Variants in CLMN observed in about 807,000 individuals in gnomAD.
CLMN encodes the protein calmin.
In CLMN, 57 loss-of-function variants were observed where a neutral mutation model predicts 92.7. That is an observed-to-expected ratio of 0.61 (90% CI 0.50 to 0.77). The LOEUF is 0.77. Ranked by LOEUF, CLMN falls within the 30% of genes least tolerant of loss-of-function variation. The probability of loss-of-function intolerance (pLI) is 0.00; values close to 1 mark genes in which losing one functional copy is unlikely to be tolerated. For missense variants in CLMN, 1,158 were observed against 1,237.5 expected (o/e 0.94, Z 0.96); for synonymous variants, 466 against 470.6 (o/e 0.99, Z 0.13).
At chr14:95,236,901 G>C (rs1898075219) in intron 1 of CLMN, among the ~76,000 whole-genome samples, 1 of 152,156 alleles carries the variant, frequency 6.6e-6, no homozygotes, top group African/African-American at 2.4e-5. Flanking sequence ...GGGAGGGGCT[G>C]CTGTAGTTAT....
intron 1 of CLMN, among the ~76,000 whole-genome samples, chr14:95,231,069 A>T (rs1296207913): frequency 2.0e-5 from 3 of 152,038 alleles, no homozygotes; most frequent in Non-Finnish European, 4.4e-5. Context: ...CCCAACCCCC[A>T]GGCCATGGAC....
intron 1 of CLMN, among the ~76,000 whole-genome samples, chr14:95,308,517 A>G (rs532219004): frequency 5.9e-5 from 9 of 152,212 alleles, no homozygotes; most frequent in African/African-American, 2.2e-4. Flanking sequence ...CATTAGCTCA[A>G]TGGCTTGGAA....
chr14:95,314,222 T>C (rs8005531), intron 1 of CLMN, among the ~76,000 whole-genome samples: 23,148 of 152,258 alleles, frequency 0.15, 2,100 homozygotes, highest in Non-Finnish European at 0.21. Flanking sequence ...TATACCTCCC[T>C]AGGTACCTTC....
intron 1 of CLMN, among the ~76,000 whole-genome samples, chr14:95,296,608 G>A (rs1370719650): frequency 6.6e-6 from 1 of 152,230 alleles, no homozygotes; most frequent in East Asian, 1.9e-4. Context: ...CATTAACAGA[G>A]AGCTAGCATC....
chr14:95,232,591 T>C (rs1897925762), intron 1 of CLMN, among the ~76,000 whole-genome samples: 1 of 152,220 alleles, frequency 6.6e-6, no homozygotes. Context: ...GGTCACTGGC[T>C]AATAGGCATA....
chr14:95,227,291 A>G (rs1016374714), intron 2 of CLMN, among the ~76,000 whole-genome samples: 1 of 152,160 alleles, frequency 6.6e-6, no homozygotes, highest in Non-Finnish European at 1.5e-5. Flanking sequence ...GTCAAAATAC[A>G]GGGCAATTCC....
At chr14:95,317,476 G>A (rs1000332195) in intron 1 of CLMN, among the ~76,000 whole-genome samples, 3 of 152,002 alleles carry the variant, frequency 2.0e-5, no homozygotes, top group African/African-American at 7.3e-5. Flanking sequence ...CAACCCAAAG[G>A]TCCCTCAACA....
intron 1 of CLMN, among the ~76,000 whole-genome samples, chr14:95,292,428 T>TCCCCCCCCCCCCCCCCCCCCCCCC (rs1263766978): frequency 6.8e-5 from 5 of 74,060 alleles, no homozygotes; most frequent in Non-Finnish European, 8.1e-5. Flanking sequence ...CCCCCAAGGG[T>TCCCCCCCCCCCCCCCCCCCCCCCC]CCCCCACCCC....
At chr14:95,226,936 T>C (rs993282295) in intron 2 of CLMN, among the ~76,000 whole-genome samples, 2 of 152,228 alleles carry the variant, frequency 1.3e-5, no homozygotes, top group African/African-American at 2.4e-5. Context: ...TACCTTTTTG[T>C]ACTGGGGGCT....
chr14:95,251,852 A>G (rs1898799742), intron 1 of CLMN, among the ~76,000 whole-genome samples: 7 of 152,004 alleles, frequency 4.6e-5, no homozygotes, highest in Admixed American at 4.6e-4. Context: ...CCTTCCTTTT[A>G]CTTATTCTCA....
intron 9 of CLMN, among the ~76,000 whole-genome samples, chr14:95,197,818 A>G (rs1018130130): frequency 1.3e-5 from 2 of 152,096 alleles, no homozygotes; most frequent in Admixed American, 1.3e-4. Context: ...AGAGCATTAG[A>G]GCGGCCAGGC....
intron 3 of CLMN, among the ~76,000 whole-genome samples, chr14:95,223,454 G>T (rs764545596): frequency 6.6e-6 from 1 of 151,974 alleles, no homozygotes; most frequent in African/African-American, 2.4e-5. Flanking sequence ...ACTTCTCAGC[G>T]ATGATTCTAG....
In CLMN at chr14:95,228,242, C is replaced by T. The variant is rs1035851371; in HGVS notation, c.144+1830G>A. Among the ~76,000 whole-genome samples the T allele has an allele frequency of 1.4e-4, 21 of 152,190 alleles. 1 individual carries two copies. Reference sequence around the variant, plus strand: ...AGGAATTTCCAGCTACCCTGACACACATCAGGCATTAATTTAAGAGTTCAG... The same window carrying T: ...AGGAATTTCCAGCTACCCTGACACATATCAGGCATTAATTTAAGAGTTCAG... On this transcript the variant is annotated intron_variant, in intron 2 of 12. Transcript: ENST00000298912.
chr14:95,308,865 T>C (rs8014681), intron 1 of CLMN, among the ~76,000 whole-genome samples: 111,687 of 152,124 alleles, frequency 0.73, 41,107 homozygotes, highest in East Asian at 0.93. Context: ...TTCAGCTGCA[T>C]GGCCATATAT....
chr14:95,196,238 C>T (rs1896707628), intron 10 of CLMN, among the ~76,000 whole-genome samples: 1 of 149,536 alleles, frequency 6.7e-6, no homozygotes, highest in African/African-American at 2.4e-5. Flanking sequence ...CTGCTCACTG[C>T]CAGCTTCCAC....
At chr14:95,249,377 G>A (rs377448369) in intron 1 of CLMN, among the ~76,000 whole-genome samples, 3 of 152,300 alleles carry the variant, frequency 2.0e-5, no homozygotes, top group Middle Eastern at 3.4e-3. Flanking sequence ...AGTCCTGCCC[G>A]ATCCTGGACT....
intron 1 of CLMN, among the ~76,000 whole-genome samples, chr14:95,245,019 C>A: frequency 7.5e-6 from 1 of 134,012 alleles, no homozygotes. Context: ...ACATAAGGAT[C>A]TAAATCAATG....
chr14:95,245,898 G>A (rs1022814377), intron 1 of CLMN, among the ~76,000 whole-genome samples: 6 of 126,834 alleles, frequency 4.7e-5, no homozygotes, highest in East Asian at 2.4e-4. Flanking sequence ...ATGGACACAC[G>A]GATGAATGGA....
intron 1 of CLMN, among the ~76,000 whole-genome samples, chr14:95,235,420 T>C (rs529218485): frequency 6.6e-6 from 1 of 152,124 alleles, no homozygotes; most frequent in East Asian, 1.9e-4. Context: ...TTGGGTGGGG[T>C]AGAGAATGAC....
Sources: allele counts gnomAD v4.1 joint callset (sites outside exome capture counted in the v4.1 genomes callset), GRCh38; gene constraint gnomAD v4.1.1; transcripts MANE v1.5; gene names NCBI Gene and HGNC (gene_info 2026-07-23, HGNC 2026-07-21).